KLHL1: variants seen among roughly 807,000 people sequenced by gnomAD.
The protein encoded by KLHL1 is kelch-like protein 1.
In KLHL1, 47 loss-of-function variants were observed where a neutral mutation model predicts 77.7. That is an observed-to-expected ratio of 0.60 (90% confidence interval 0.48 to 0.77). The LOEUF (loss-of-function observed/expected upper bound fraction) is 0.77. Among genes scored for constraint, KLHL1 ranks in the 30% least tolerant of loss-of-function variants. The pLI, the probability that KLHL1 is intolerant of heterozygous loss-of-function variation, is 0.00. For missense variants in KLHL1, 925 were observed against 910.8 expected (o/e 1.02, Z -0.20); for synonymous variants, 360 against 325.2 (o/e 1.11, Z -1.15).
At chr13:69,720,957 T>C (rs1873018036) in intron 8 of KLHL1, among the ~76,000 whole-genome samples, 1 of 132,836 alleles carries the variant, frequency 7.5e-6, no homozygotes, top group African/African-American at 2.7e-5. Flanking sequence ...GAAAGGAAAA[T>C]AAATCCTGGG....
rs56689981 is a variant in KLHL1 at position 69,751,112 on chromosome 13, ATGTGTGTGTG to A, written c.1640-10566_1640-10557del. Among the ~76,000 whole-genome samples the A allele has an allele frequency of 6.2e-3, 876 of 141,168 alleles. 15 individuals are homozygous for A. The highest frequency in any genetic ancestry group is 0.022 in the African/African-American group (840 of 38,500). 92.6% of individuals were successfully genotyped at this position (141,168 alleles called of 152,430 possible). A position where few individuals can be genotyped will look rare whatever the true frequency, so the allele number is the denominator to read the frequency against. Reference sequence around the variant, plus strand: ...TATCTTTCATTCATGTCATGTGTGTATGTGTGTGTGTGTGTGTGTGTGTGTGTGTGTGTGT... The same window carrying A: ...TATCTTTCATTCATGTCATGTGTGTATGTGTGTGTGTGTGTGTGTGTGTGT... On this transcript the variant is annotated intron_variant, in intron 7 of 10. Coordinates refer to ENST00000377844, the MANE Select transcript of KLHL1 (RefSeq NM_020866.3).
At chr13:69,801,245 G>C (rs1877367260) in intron 6 of KLHL1, among the ~76,000 whole-genome samples, 1 of 152,116 alleles carries the variant, frequency 6.6e-6, no homozygotes, top group South Asian at 2.1e-4. Context: ...CTTTGTTGTT[G>C]CCATTGGAAA....
chr13:69,707,176 C>T (rs1312792959), intron 10 of KLHL1, among the ~76,000 whole-genome samples: 1 of 151,918 alleles, frequency 6.6e-6, no homozygotes, highest in East Asian at 1.9e-4. Flanking sequence ...TCCAGCAGCA[C>T]CACCAGGTGA....
chr13:69,775,811 A>G (rs17070810), intron 7 of KLHL1, among the ~76,000 whole-genome samples: 19,450 of 151,610 alleles, frequency 0.13, 1,563 homozygotes, highest in African/African-American at 0.23. Context: ...CTTCCACGTC[A>G]CGGAAAGGGG....
At chr13:70,015,231 C>T (rs1885628696) in intron 1 of KLHL1, among the ~76,000 whole-genome samples, 1 of 152,066 alleles carries the variant, frequency 6.6e-6, no homozygotes, top group Non-Finnish European at 1.5e-5. Flanking sequence ...TGTGTATAGC[C>T]TACTGCACAC....
At chr13:69,722,606 G>T (rs9542049) in intron 8 of KLHL1, among the ~76,000 whole-genome samples, 2 of 151,636 alleles carry the variant, frequency 1.3e-5, no homozygotes, top group Non-Finnish European at 2.9e-5. Context: ...ATGAGATATC[G>T]CCTCACTCCA....
At chr13:70,005,651 A>C (rs936898764) in intron 1 of KLHL1, among the ~76,000 whole-genome samples, 5 of 151,964 alleles carry the variant, frequency 3.3e-5, no homozygotes, top group African/African-American at 1.2e-4. Context: ...TGCATGTTTT[A>C]ATAATTAGAA....
intron 2 of KLHL1, among the ~76,000 whole-genome samples, chr13:69,961,822 A>G (rs1884073778): frequency 1.1e-5 from 1 of 90,180 alleles, no homozygotes; most frequent in Non-Finnish European, 2.5e-5. Flanking sequence ...TGAGATTTCT[A>G]TTATGTTTTA....
chr13:69,848,704 T>C (rs1378116552), intron 5 of KLHL1, among the ~76,000 whole-genome samples: 1 of 151,428 alleles, frequency 6.6e-6, no homozygotes, highest in Non-Finnish European at 1.5e-5. Context: ...TCCTCAAGCA[T>C]TTGAGGAAAC....
At chr13:70,000,650 A>G (rs1385163577) in intron 1 of KLHL1, among the ~76,000 whole-genome samples, 1 of 151,842 alleles carries the variant, frequency 6.6e-6, no homozygotes, top group Non-Finnish European at 1.5e-5. Flanking sequence ...TATAGCTAAC[A>G]TATTTGTCTA....
intron 1 of KLHL1, among the ~76,000 whole-genome samples, chr13:70,095,837 C>A (rs568218903): frequency 2.0e-5 from 3 of 152,070 alleles, no homozygotes; most frequent in South Asian, 2.1e-4. Context: ...CCACCCCCCC[C>A]ACCACACTCG....
chr13:70,068,592 C>T (rs184847180), intron 1 of KLHL1, among the ~76,000 whole-genome samples: 5 of 152,228 alleles, frequency 3.3e-5, no homozygotes, highest in East Asian at 1.9e-4. Context: ...AGTGGGTATG[C>T]ACATGCTACA....
chr13:69,770,054 G>T (rs1875490591), intron 7 of KLHL1, among the ~76,000 whole-genome samples: 1 of 152,154 alleles, frequency 6.6e-6, no homozygotes, highest in African/African-American at 2.4e-5. Context: ...CAGTGGGAAT[G>T]AGATAGAATT....
At chr13:69,990,871 G>A (rs768981760) in intron 1 of KLHL1, among the ~76,000 whole-genome samples, 10 of 151,594 alleles carry the variant, frequency 6.6e-5, no homozygotes, top group African/African-American at 2.4e-4. Context: ...GTTGTCACAC[G>A]GTACATGCTC....
chr13:69,949,421 G>A (rs1883634856), intron 3 of KLHL1, among the ~76,000 whole-genome samples: 1 of 151,692 alleles, frequency 6.6e-6, no homozygotes, highest in Non-Finnish European at 1.5e-5. Context: ...CTGGGGTTAT[G>A]AATGAAGTTT....
intron 7 of KLHL1, among the ~76,000 whole-genome samples, chr13:69,788,436 T>C (rs1876677874): frequency 6.6e-6 from 1 of 152,024 alleles, no homozygotes; most frequent in Admixed American, 6.5e-5. Context: ...CCACATGTTC[T>C]CACTCATAGG....
chr13:70,019,880 A>G lies in KLHL1; in HGVS notation c.498-44078T>C, dbSNP rs183480844. Among the ~76,000 whole-genome samples the G allele has an allele frequency of 9.9e-5, 15 of 152,276 alleles. No individual in the cohort carries two copies. In the East Asian group the frequency reaches 2.7e-3, roughly 27 times the overall value. On this transcript the variant is annotated intron_variant, in intron 1 of 10. Coordinates refer to ENST00000377844, the MANE Select transcript of KLHL1 (RefSeq NM_020866.3). Reference sequence around the variant, plus strand: ...TGTATATGGCTTTTGGGAGGTGTTTAGGTCATGAAGGCTCCATCCTCATGA... The same window carrying G: ...TGTATATGGCTTTTGGGAGGTGTTTGGGTCATGAAGGCTCCATCCTCATGA...
chr13:69,903,312 T>C (rs1265320925), intron 4 of KLHL1, among the ~76,000 whole-genome samples: 1 of 152,126 alleles, frequency 6.6e-6, no homozygotes, highest in African/African-American at 2.4e-5. Flanking sequence ...TCACAGAGAT[T>C]TCTGGTTCGA....
intron 1 of KLHL1, among the ~76,000 whole-genome samples, chr13:70,079,911 G>T (rs12864769): frequency 0.25 from 37,650 of 152,072 alleles, 5,806 homozygotes; most frequent in South Asian, 0.44. Flanking sequence ...GAGTTTTTTA[G>T]AACTGAATCA....
Sources: gnomAD v4.1 joint callset for allele counts (sites outside exome capture counted in the v4.1 genomes callset) on GRCh38, gnomAD v4.1.1 for gene constraint, MANE v1.5 for transcripts, NCBI Gene and HGNC (gene_info 2026-07-23, HGNC 2026-07-21) for gene names.